Variants in PCDH15 observed in about 807,000 individuals in gnomAD.
PCDH15 encodes the protein protocadherin-15.
PCDH15 carries 129 observed loss-of-function variants against 178.5 expected under a neutral mutation model. The ratio of observed to expected loss-of-function variants is 0.72; its 90% CI spans 0.63 to 0.84. The LOEUF is 0.84. Ranked by LOEUF, PCDH15 falls within the 40% of genes least tolerant of loss-of-function variation. PCDH15 has a pLI of 0.00. For missense variants in PCDH15, 2,230 were observed against 2,099.9 expected (o/e 1.06, Z -1.21); for synonymous variants, 800 against 732.0 (o/e 1.09, Z -1.50).
At chr10:55,602,868 A>G (rs1202910864) in intron 2 of PCDH15, among the ~76,000 whole-genome samples, 1 of 152,188 alleles carries the variant, frequency 6.6e-6, no homozygotes, top group African/African-American at 2.4e-5. Flanking sequence ...CTCACCAGCA[A>G]CGGAACAAAG....
chr10:53,861,616 T>A (rs576648098), intron 27 of PCDH15, among the ~76,000 whole-genome samples: 1 of 152,266 alleles, frequency 6.6e-6, no homozygotes, highest in Non-Finnish European at 1.5e-5. Flanking sequence ...AAGATAAAAA[T>A]AATAAGATTA....
chr10:54,354,562 A>C (rs561936770), intron 5 of PCDH15, among the ~76,000 whole-genome samples: 10 of 152,298 alleles, frequency 6.6e-5, no homozygotes, highest in African/African-American at 2.4e-4. Flanking sequence ...CCAGTACTGC[A>C]TATTCAAAGA....
intron 3 of PCDH15, among the ~76,000 whole-genome samples, chr10:54,418,025 T>C (rs140995161): frequency 6.6e-6 from 1 of 152,290 alleles, no homozygotes; most frequent in Non-Finnish European, 1.5e-5. Context: ...AGATCTGGTT[T>C]AGCATTCTGA....
At chr10:54,761,683 AAAAACAAAACAAAACAAAACAAAAC>A (rs71014416) in intron 1 of PCDH15, among the ~76,000 whole-genome samples, 4,160 of 150,040 alleles carry the variant, frequency 0.028, 197 homozygotes, top group African/African-American at 0.095. Context: ...ACTCTGTCTC[AAAAACAAAACAAAACAAAACAAAAC>A]AAAACAAAAC....
intron 18 of PCDH15, among the ~76,000 whole-genome samples, chr10:54,028,978 C>A (rs975191868): frequency 6.6e-6 from 1 of 152,048 alleles, no homozygotes; most frequent in Non-Finnish European, 1.5e-5. Context: ...CAGAAAGCTA[C>A]TCTAAAAATT....
intron 2 of PCDH15, among the ~76,000 whole-genome samples, chr10:55,326,369 T>A (rs1211929504): frequency 2.6e-5 from 4 of 152,100 alleles, no homozygotes; most frequent in Non-Finnish European, 5.9e-5. Context: ...AAAGAAAATG[T>A]AGTACATGCA....
chr10:54,535,448 C>T (rs564534899), intron 2 of PCDH15, among the ~76,000 whole-genome samples: 42 of 152,140 alleles, frequency 2.8e-4, no homozygotes, highest in African/African-American at 3.9e-4. Context: ...CGGTGGCTCA[C>T]GCCTGTAATC....
chr10:55,207,761 A>G (rs1459355291), intron 1 of PCDH15, among the ~76,000 whole-genome samples: 2 of 152,132 alleles, frequency 1.3e-5, no homozygotes, highest in African/African-American at 4.8e-5. Flanking sequence ...TGAGGTCAGG[A>G]GTTCAAGACC....
chr10:53,975,228 G>A (rs1035167674), intron 21 of PCDH15, among the ~76,000 whole-genome samples: 1 of 152,158 alleles, frequency 6.6e-6, no homozygotes, highest in Non-Finnish European at 1.5e-5. Context: ...ATTGTGAAAA[G>A]TGCAGTGATG....
rs146116260 is a variant in PCDH15, at chr10:55,562,177, T to A, written c.-156+65448A>T. Among the ~76,000 whole-genome samples, 9 of 152,062 alleles carry A rather than the reference T, an allele frequency of 5.9e-5. No homozygotes were observed. The East Asian group carries it at 1.2e-3, about 20-fold the overall frequency. Reference sequence around the variant, plus strand: ...AAGGGCTTACTGTTCCAAGGGGACATTATAACAAAGCACTGAAGAACACAG... The same window carrying A: ...AAGGGCTTACTGTTCCAAGGGGACAATATAACAAAGCACTGAAGAACACAG... On this transcript the variant is annotated intron_variant, in intron 2 of 5. Coordinates refer to the PCDH15 transcript ENST00000613346.
At chr10:54,334,292 G>C (rs1291482186) in intron 6 of PCDH15, among the ~76,000 whole-genome samples, 1 of 152,164 alleles carries the variant, frequency 6.6e-6, no homozygotes, top group Non-Finnish European at 1.5e-5. Flanking sequence ...ATGGGAAGCA[G>C]GGTAGGAGAC....
chr10:54,196,624 A>G (rs2133934162), intron 10 of PCDH15, among the ~76,000 whole-genome samples: 1 of 152,310 alleles, frequency 6.6e-6, no homozygotes, highest in South Asian at 2.1e-4. Context: ...TTCTCATTTT[A>G]CACTAATGTT....
rs538580210 is a variant in PCDH15 at position 54,506,293 on chromosome 10, T to C, written c.157+21519A>G. Among the ~76,000 whole-genome samples the C allele has an allele frequency of 2.2e-4, 34 of 152,172 alleles. 1 individual carries two copies. In the South Asian group the frequency reaches 3.7e-3, roughly 17 times the overall value. On this transcript the variant is annotated intron_variant, in intron 3 of 37. Coordinates refer to ENST00000644397, the MANE Select transcript of PCDH15 (RefSeq NM_001384140.1). The stretch of plus-strand genomic sequence containing the variant: ...GGAAATATGTATACTTGCTTAAAAA[T>C]CGTTTCTATATAGTCAGTATTTAGG...
At chr10:55,528,343 A>G (rs530668529) in intron 2 of PCDH15, among the ~76,000 whole-genome samples, 1 of 151,938 alleles carries the variant, frequency 6.6e-6, no homozygotes, top group Non-Finnish European at 1.5e-5. Flanking sequence ...GCTCATTTAC[A>G]TTAGGCATAT....
intron 1 of PCDH15, among the ~76,000 whole-genome samples, chr10:55,175,680 A>G (rs1839464838): frequency 6.8e-6 from 1 of 147,880 alleles, no homozygotes; most frequent in Non-Finnish European, 1.5e-5. Context: ...AAAAAAAAAG[A>G]AAAAGAAAAA....
At chr10:54,587,142 G>T (rs1274385310) in intron 2 of PCDH15, among the ~76,000 whole-genome samples, 2 of 152,110 alleles carry the variant, frequency 1.3e-5, no homozygotes, top group Non-Finnish European at 1.5e-5. Flanking sequence ...CATGATCAGT[G>T]ACCATTGGCA....
At chr10:55,074,140 C>T (rs758071525) in intron 2 of PCDH15, among the ~76,000 whole-genome samples, 4 of 152,010 alleles carry the variant, frequency 2.6e-5, no homozygotes, top group Non-Finnish European at 5.9e-5. Flanking sequence ...GATTCCATGT[C>T]TTCGCTATTG....
chr10:54,153,378 GCTTTC>G lies in PCDH15; in HGVS notation c.1591-90_1591-86del. ...TTTTTTCCCCCAACAAAAGAAGCTT[GCTTTC>G]AAAGAAAAAAACACAGGAAAGTTTC... On this transcript the variant is annotated intron_variant, in intron 13 of 37. Coordinates refer to ENST00000644397, the MANE Select transcript of PCDH15 (RefSeq NM_001384140.1). 4.8e-6 allele frequency: 7 copies of G among 1,460,506 alleles called. No individual in the cohort carries two copies. The Admixed American group carries it at 8.8e-5, about 18-fold the overall frequency. 90.5% of individuals were successfully genotyped at this position (1,460,506 alleles called of 1,614,324 possible). A position where few individuals can be genotyped will look rare whatever the true frequency, so the allele number is the denominator to read the frequency against.
intron 1 of PCDH15, among the ~76,000 whole-genome samples, chr10:54,729,623 A>G (rs566835409): frequency 2.1e-4 from 32 of 151,880 alleles, no homozygotes; most frequent in African/African-American, 7.7e-4. Flanking sequence ...GAGAACCTAC[A>G]AAATGGGATA....
Sources: allele counts gnomAD v4.1 joint callset (sites outside exome capture counted in the v4.1 genomes callset), GRCh38; gene constraint gnomAD v4.1.1; transcripts MANE v1.5; gene names NCBI Gene and HGNC (gene_info 2026-07-23, HGNC 2026-07-21).